Variants in RALGAPA1 observed in about 807,000 individuals in gnomAD.
RALGAPA1 encodes Ral GTPase activating protein catalytic subunit alpha 1.
RALGAPA1 carries 52 observed loss-of-function variants against 269.6 expected under a neutral mutation model. That is an observed-to-expected ratio of 0.19 (90% confidence interval 0.15 to 0.24). RALGAPA1 has a LOEUF of 0.24. RALGAPA1 is among the 10% of genes least tolerant of loss of function. The pLI, the probability that RALGAPA1 is intolerant of heterozygous loss-of-function variation, is 1.00. For synonymous variants in RALGAPA1, 817 were observed against 1,008.3 expected, an observed-to-expected ratio of 0.81 and a Z score of 3.60; for missense variants, 1,917 against 3,013.9, an observed-to-expected ratio of 0.64 and a Z score of 8.52.
At chr14:35,602,889 G>T (rs1002857673) in intron 36 of RALGAPA1, among the ~76,000 whole-genome samples, 2 of 152,010 alleles carry the variant, frequency 1.3e-5, no homozygotes, top group Non-Finnish European at 2.9e-5. Context: ...TTAACATTTA[G>T]GTCTGTGATC....
chr14:35,585,457 T>TA (rs57122250), intron 37 of RALGAPA1, among the ~76,000 whole-genome samples: 151,766 of 152,328 alleles, frequency 1, 75,602 homozygotes, highest in East Asian at 1. Flanking sequence ...AAAAGTTCTG[T>TA]AAGAGACAGT....
intron 21 of RALGAPA1, among the ~76,000 whole-genome samples, chr14:35,680,865 C>T (rs1474704379): frequency 5.3e-5 from 8 of 152,084 alleles, no homozygotes; most frequent in African/African-American, 1.2e-4. Context: ...CCACCCGCCT[C>T]GGCCTTCCAA....
chr14:35,628,021 T>C, intron 33 of RALGAPA1, 70 bp from the exon 34 acceptor site: 2 of 1,438,436 alleles, frequency 1.4e-6, no homozygotes, highest in Non-Finnish European at 1.9e-6. Context: ...AATGAAATAT[T>C]AGACAACAAA....
chr14:35,712,270 G>T (rs951385507), intron 16 of RALGAPA1, among the ~76,000 whole-genome samples: 1 of 147,878 alleles, frequency 6.8e-6, no homozygotes, highest in Non-Finnish European at 1.5e-5. Flanking sequence ...GAAAGAAAAA[G>T]AAAATATTTT....
chr14:35,698,061 T>C (rs2067036552), intron 17 of RALGAPA1, among the ~76,000 whole-genome samples: 1 of 152,202 alleles, frequency 6.6e-6, no homozygotes, highest in Non-Finnish European at 1.5e-5. Context: ...ATTATTTTGA[T>C]AATCAGATAT....
At chr14:35,696,326 G>C (rs553151299) in intron 17 of RALGAPA1, among the ~76,000 whole-genome samples, 1 of 152,204 alleles carries the variant, frequency 6.6e-6, no homozygotes, top group East Asian at 1.9e-4. Flanking sequence ...AGGCAGGGAA[G>C]TCAAGGCTGC....
At chr14:35,791,955 C>A (rs1482355581) in intron 1 of RALGAPA1, among the ~76,000 whole-genome samples, 2 of 148,282 alleles carry the variant, frequency 1.3e-5, no homozygotes, top group African/African-American at 2.5e-5. Flanking sequence ...ACACTGTCAC[C>A]TAAAAATTAT....
At chr14:35,566,107 T>C (rs556422213) in intron 39 of RALGAPA1, among the ~76,000 whole-genome samples, 20 of 151,946 alleles carry the variant, frequency 1.3e-4, no homozygotes, top group Admixed American at 9.8e-4. Context: ...AACTAACAAA[T>C]TGAGCTCCAG....
chr14:35,763,692 T>C (rs1221056348), intron 4 of RALGAPA1, among the ~76,000 whole-genome samples: 1 of 152,078 alleles, frequency 6.6e-6, no homozygotes, highest in African/African-American at 2.4e-5. Flanking sequence ...TTGGTTTTTT[T>C]CAAATTTTTG....
intron 13 of RALGAPA1, among the ~76,000 whole-genome samples, chr14:35,726,647 T>C (rs1388274395): frequency 6.6e-6 from 1 of 151,996 alleles, no homozygotes; most frequent in Non-Finnish European, 1.5e-5. Context: ...ATGTAAAATA[T>C]ATGAAAAACC....
chr14:35,571,050 T>C (rs1273397788), intron 38 of RALGAPA1, among the ~76,000 whole-genome samples: 1 of 152,208 alleles, frequency 6.6e-6, no homozygotes, highest in African/African-American at 2.4e-5. Flanking sequence ...AAGCCAACAC[T>C]AGAAGTAAAT....
intron 39 of RALGAPA1, among the ~76,000 whole-genome samples, chr14:35,563,851 G>A (rs556612995): frequency 2.0e-5 from 3 of 151,942 alleles, no homozygotes; most frequent in Non-Finnish European, 2.9e-5. Context: ...CTCTCTTGTC[G>A]CCCAGGCTGG....
At chr14:35,701,886 C>T (rs1027672574) in intron 16 of RALGAPA1, among the ~76,000 whole-genome samples, 6 of 152,058 alleles carry the variant, frequency 3.9e-5, no homozygotes, top group African/African-American at 1.4e-4. Flanking sequence ...TGTGCTCAAG[C>T]GACCCTCTCA....
intron 33 of RALGAPA1, among the ~76,000 whole-genome samples, chr14:35,628,270 G>A (rs903593632): frequency 7.9e-5 from 12 of 152,144 alleles, no homozygotes; most frequent in African/African-American, 1.9e-4. Flanking sequence ...AGCCAAAGAC[G>A]GCCAGGTGCT....
chr14:35,573,184 C>T (rs531330939), intron 37 of RALGAPA1, among the ~76,000 whole-genome samples: 3 of 152,228 alleles, frequency 2.0e-5, no homozygotes, highest in African/African-American at 7.2e-5. Context: ...GTTAGACCCT[C>T]AAGACGTTAT....
intron 31 of RALGAPA1, among the ~76,000 whole-genome samples, chr14:35,642,787 G>T (rs2062112019): frequency 6.6e-6 from 1 of 152,112 alleles, no homozygotes; most frequent in Admixed American, 6.5e-5. Context: ...ATTCCTCAAG[G>T]ATCTAGAACT....
intron 2 of RALGAPA1, 148 bp downstream of exon 2, chr14:35,775,487 C>A: frequency 1.1e-6 from 1 of 916,958 alleles, no homozygotes; most frequent in Non-Finnish European, 1.5e-6. Context: ...AAATACAGGT[C>A]ACTAGACCTA....
At chr14:35,672,199 T>G (rs562881188) in intron 25 of RALGAPA1, among the ~76,000 whole-genome samples, 2 of 152,256 alleles carry the variant, frequency 1.3e-5, no homozygotes, top group South Asian at 4.1e-4. Context: ...ATTTTACATT[T>G]TTCAGAAAGA....
intron 6 of RALGAPA1, 44 bp downstream of exon 6, chr14:35,760,785 A>C: frequency 9.7e-6 from 14 of 1,450,398 alleles, no homozygotes; most frequent in African/African-American, 1.4e-5. Flanking sequence ...GAGACTACAT[A>C]GAGAGCTTAA....
Sources: allele counts gnomAD v4.1 joint callset (sites outside exome capture counted in the v4.1 genomes callset), GRCh38; gene constraint gnomAD v4.1.1; transcripts MANE v1.5; gene names NCBI Gene and HGNC (gene_info 2026-07-23, HGNC 2026-07-21).